ARFIP1: variants seen among roughly 807,000 people sequenced by gnomAD.
ARFIP1 encodes the protein ARF interacting protein 1.
A neutral mutation model predicts 42.5 loss-of-function variants in ARFIP1; 24 were observed. That is an observed-to-expected ratio of 0.57 (90% CI 0.41 to 0.80). ARFIP1 has a LOEUF of 0.80. Ranked by LOEUF, ARFIP1 falls within the 30% of genes least tolerant of loss-of-function variation. ARFIP1 has a pLI of 0.00. For missense variants in ARFIP1, 354 were observed against 434.0 expected, an observed-to-expected ratio of 0.82 and a Z score of 1.64; for synonymous variants, 141 against 153.7, an observed-to-expected ratio of 0.92 and a Z score of 0.61.
At chr4:152,828,924 A>G (rs991922113) in intron 1 of ARFIP1, among the ~76,000 whole-genome samples, 13 of 152,140 alleles carry the variant, frequency 8.5e-5, no homozygotes, top group African/African-American at 2.9e-4. Flanking sequence ...ATGTGGATTC[A>G]TTTTTTGCAT....
chr4:152,830,250 G>A (rs906536725), intron 2 of ARFIP1, among the ~76,000 whole-genome samples: 5 of 152,042 alleles, frequency 3.3e-5, no homozygotes, highest in African/African-American at 1.2e-4. Flanking sequence ...GATAATCTGG[G>A]TTCAAATTTC....
At chr4:152,892,668 C>T (rs1736960181) in intron 8 of ARFIP1, among the ~76,000 whole-genome samples, 2 of 152,172 alleles carry the variant, frequency 1.3e-5, no homozygotes, top group African/African-American at 4.8e-5. Context: ...ATGTAAAATA[C>T]TCACATTTCT....
At position 152,780,190 on chromosome 4, in the gene ARFIP1, G is replaced by C. The variant is rs1486189053; in HGVS notation, c.-46G>C. 1.3e-5 allele frequency: 2 copies of C among 152,322 alleles called. No homozygotes were observed. The highest frequency in any genetic ancestry group is 4.8e-5 in the African/African-American group (2 of 41,468). The allele number at this position is 152,322 out of a possible 1,614,324, so 9.4% of individuals were successfully genotyped here. A position where few individuals can be genotyped will look rare whatever the true frequency, so the allele number is the denominator to read the frequency against. On this transcript the variant is annotated 5_prime_UTR_variant, in exon 1 of 9. Transcript: ENST00000353617. Reference sequence around the variant, plus strand: ...TTCCAGAGAGCGGCGGAAAGGATAAGCCTCGACTTAGAAGCTACCGAGTTA... The same window carrying C: ...TTCCAGAGAGCGGCGGAAAGGATAACCCTCGACTTAGAAGCTACCGAGTTA...
intron 1 of ARFIP1, among the ~76,000 whole-genome samples, chr4:152,800,502 CTA>C (rs1728318824): frequency 6.6e-6 from 1 of 152,064 alleles, no homozygotes; most frequent in South Asian, 2.1e-4. Flanking sequence ...TAGAAAAAAA[CTA>C]TTTAAAAGTA....
chr4:152,781,498 A>G (rs1321054237), intron 1 of ARFIP1, among the ~76,000 whole-genome samples: 2 of 152,052 alleles, frequency 1.3e-5, no homozygotes, highest in African/African-American at 2.4e-5. Context: ...CGGCCTCCCA[A>G]AGTGTTGGGA....
At chr4:152,871,749 A>G (rs898761108) in intron 4 of ARFIP1, among the ~76,000 whole-genome samples, 2 of 152,174 alleles carry the variant, frequency 1.3e-5, no homozygotes, top group Non-Finnish European at 2.9e-5. Flanking sequence ...ATAGTTGTAG[A>G]GTTGCTTTCA....
At chr4:152,837,250 G>T (rs1193536682) in intron 2 of ARFIP1, among the ~76,000 whole-genome samples, 1 of 152,178 alleles carries the variant, frequency 6.6e-6, no homozygotes, top group Non-Finnish European at 1.5e-5. Flanking sequence ...GTGTGTGCAA[G>T]TATCTTTTTT....
intron 2 of ARFIP1, among the ~76,000 whole-genome samples, chr4:152,851,003 G>T (rs988924601): frequency 9.2e-5 from 14 of 152,174 alleles, no homozygotes; most frequent in Non-Finnish European, 2.1e-4. Flanking sequence ...TAAATTAACA[G>T]AATTCATCAA....
At chr4:152,892,736 CAT>C (rs1256803962) in intron 8 of ARFIP1, among the ~76,000 whole-genome samples, 10 of 152,094 alleles carry the variant, frequency 6.6e-5, no homozygotes, top group African/African-American at 2.4e-4. Flanking sequence ...TAATGAAAAA[CAT>C]GTGTTGTTCT....
chr4:152,909,945 A>G (rs188975612), intron 8 of ARFIP1, 119 bp from the exon 9 acceptor site: 40 of 1,330,770 alleles, frequency 3.0e-5, no homozygotes, highest in African/African-American at 4.4e-5. Context: ...CTTGGTCATT[A>G]TTAAGCCAGC....
At chr4:152,816,487 C>T (rs1729897511) in intron 1 of ARFIP1, among the ~76,000 whole-genome samples, 1 of 152,196 alleles carries the variant, frequency 6.6e-6, no homozygotes, top group Admixed American at 6.5e-5. Context: ...TGACTTACTC[C>T]CTCACTTTAT....
At chr4:152,866,941 G>T (rs1168500791) in intron 3 of ARFIP1, among the ~76,000 whole-genome samples, 1 of 151,044 alleles carries the variant, frequency 6.6e-6, no homozygotes, top group Non-Finnish European at 1.5e-5. Context: ...GATGGATGGC[G>T]GCCGGGAAGA....
chr4:152,841,194 C>T (rs898333510), intron 2 of ARFIP1, among the ~76,000 whole-genome samples: 1 of 152,024 alleles, frequency 6.6e-6, no homozygotes, highest in Admixed American at 6.6e-5. Context: ...TGCCACCATG[C>T]CCAGCTAATT....
At chr4:152,866,656 C>G (rs1440494552) in intron 3 of ARFIP1, among the ~76,000 whole-genome samples, 1 of 151,874 alleles carries the variant, frequency 6.6e-6, no homozygotes, top group South Asian at 2.1e-4. Context: ...ACCTCCCTCC[C>G]GGACGGGGTG....
intron 2 of ARFIP1, among the ~76,000 whole-genome samples, chr4:152,843,964 GT>G (rs1732327351): frequency 6.6e-6 from 1 of 152,144 alleles, no homozygotes; most frequent in Non-Finnish European, 1.5e-5. Flanking sequence ...TTGTTACAAA[GT>G]TCAGCTGGAG....
chr4:152,886,490 C>G (rs182434478), intron 7 of ARFIP1, among the ~76,000 whole-genome samples: 2 of 152,088 alleles, frequency 1.3e-5, no homozygotes, highest in Non-Finnish European at 2.9e-5. Context: ...TTTGTCCATG[C>G]TATTCTCTTC....
intron 1 of ARFIP1, among the ~76,000 whole-genome samples, chr4:152,821,851 A>G (rs1274215542): frequency 6.6e-6 from 1 of 152,224 alleles, no homozygotes; most frequent in Non-Finnish European, 1.5e-5. Flanking sequence ...ATTAAACAGA[A>G]TAACATCCAG....
At chr4:152,865,224 G>A (rs974717685) in intron 3 of ARFIP1, among the ~76,000 whole-genome samples, 2 of 151,698 alleles carry the variant, frequency 1.3e-5, no homozygotes, top group African/African-American at 4.8e-5. Context: ...TGCAACCTCT[G>A]CCCCCGAGTT....
At chr4:152,805,416 G>C (rs1053261293) in intron 1 of ARFIP1, among the ~76,000 whole-genome samples, 1 of 152,226 alleles carries the variant, frequency 6.6e-6, no homozygotes, top group African/African-American at 2.4e-5. Flanking sequence ...TTGAGCAGTG[G>C]TCCAATGACG....
Sources: gnomAD v4.1 joint callset for allele counts (sites outside exome capture counted in the v4.1 genomes callset) on GRCh38, gnomAD v4.1.1 for gene constraint, MANE v1.5 for transcripts, NCBI Gene and HGNC (gene_info 2026-07-23, HGNC 2026-07-21) for gene names.